PTPRD: variants seen among roughly 807,000 people sequenced by gnomAD.
The protein encoded by PTPRD is receptor-type tyrosine-protein phosphatase delta.
PTPRD carries 34 observed loss-of-function variants against 214.5 expected under a neutral mutation model. The ratio of observed to expected loss-of-function variants is 0.16; its 90% CI spans 0.12 to 0.21. The LOEUF (loss-of-function observed/expected upper bound fraction) is 0.21. Among genes scored for constraint, PTPRD ranks in the 10% least tolerant of loss-of-function variants. The pLI, the probability that PTPRD is intolerant of heterozygous loss-of-function variation, is 1.00. For synonymous variants in PTPRD, 1,128 were observed against 845.7 expected (o/e 1.33, Z -5.79); for missense variants, 2,545 against 2,398.7 (o/e 1.06, Z -1.27).
At chr9:10,579,019 T>C (rs1268622666) in intron 2 of PTPRD, among the ~76,000 whole-genome samples, 1 of 152,118 alleles carries the variant, frequency 6.6e-6, no homozygotes, top group African/African-American at 2.4e-5. Context: ...ACCCATCACC[T>C]AGGTTTTAAG....
rs1174273778 is a variant in PTPRD, at chr9:8,317,246, A to G, written c.*628T>C. 4.3e-6 allele frequency: 1 copy of G among 232,160 alleles called. No homozygotes were observed. Among genetic ancestry groups the G allele is most frequent in the Non-Finnish European group, 8.5e-6 (1 of 117,168 alleles). The allele number at this position is 232,160 out of a possible 1,614,324, so 14.4% of individuals were successfully genotyped here. On this transcript the variant is annotated 3_prime_UTR_variant, in exon 46 of 46. Coordinates refer to ENST00000381196, the MANE Select transcript of PTPRD (RefSeq NM_002839.4). ...GCTTAAAAAAACCTACGATTTGGAA[A>G]TAAAAAAATGAAGAGTTATGTAACT...
chr9:9,366,220 A>G (rs1481714735), intron 9 of PTPRD, among the ~76,000 whole-genome samples: 1 of 151,588 alleles, frequency 6.6e-6, no homozygotes, highest in African/African-American at 2.4e-5. Flanking sequence ...TAGGTTGCAT[A>G]ACCGACTATA....
intron 3 of PTPRD, among the ~76,000 whole-genome samples, chr9:10,298,757 A>C (rs535192128): frequency 6.6e-6 from 1 of 152,170 alleles, no homozygotes; most frequent in East Asian, 1.9e-4. Context: ...TAACAAATAT[A>C]ATAATAATTA....
intron 7 of PTPRD, among the ~76,000 whole-genome samples, chr9:9,627,074 G>A (rs1435377819): frequency 6.6e-6 from 1 of 152,194 alleles, no homozygotes; most frequent in African/African-American, 2.4e-5. Context: ...CACACTTTGG[G>A]AGGCCAAGGC....
chr9:9,455,071 T>C (rs948729902), intron 8 of PTPRD, among the ~76,000 whole-genome samples: 2 of 151,636 alleles, frequency 1.3e-5, no homozygotes, highest in African/African-American at 4.8e-5. Context: ...TAATGGACAA[T>C]GTTGAAATAT....
intron 2 of PTPRD, among the ~76,000 whole-genome samples, chr9:10,395,338 G>A (rs1394922629): frequency 6.6e-6 from 1 of 150,634 alleles, no homozygotes; most frequent in Non-Finnish European, 1.5e-5. Context: ...ACCTATGAGT[G>A]AGAACATGCG....
chr9:10,387,344 T>G (rs749347491), intron 2 of PTPRD, among the ~76,000 whole-genome samples: 1 of 151,936 alleles, frequency 6.6e-6, no homozygotes, highest in Non-Finnish European at 1.5e-5. Context: ...TGATGCCTTA[T>G]AGTTTACTAG....
intron 14 of PTPRD, among the ~76,000 whole-genome samples, chr9:8,573,026 C>T (rs1471288877): frequency 6.6e-6 from 1 of 152,074 alleles, no homozygotes; most frequent in African/African-American, 2.4e-5. Context: ...AACTCCTATG[C>T]TACATATTTT....
chr9:9,614,885 G>C (rs888004646), intron 7 of PTPRD, among the ~76,000 whole-genome samples: 1 of 152,048 alleles, frequency 6.6e-6, no homozygotes, highest in African/African-American at 2.4e-5. Flanking sequence ...CCAATTTATT[G>C]CCTCAGCTCC....
intron 7 of PTPRD, among the ~76,000 whole-genome samples, chr9:9,602,518 T>C (rs2093848603): frequency 6.6e-6 from 1 of 152,110 alleles, no homozygotes. Flanking sequence ...TCTAAAAGAA[T>C]AAGAGTAATT....
chr9:9,926,015 G>C (rs1056997580), intron 5 of PTPRD, among the ~76,000 whole-genome samples: 5 of 151,898 alleles, frequency 3.3e-5, no homozygotes, highest in African/African-American at 7.3e-5. Flanking sequence ...AGTTTTTGTA[G>C]AAATGGGGTC....
At chr9:9,672,281 G>A (rs2096846536) in intron 7 of PTPRD, among the ~76,000 whole-genome samples, 1 of 151,796 alleles carries the variant, frequency 6.6e-6, no homozygotes, top group Non-Finnish European at 1.5e-5. Flanking sequence ...TAATAAATTG[G>A]AAAATATTGA....
intron 3 of PTPRD, among the ~76,000 whole-genome samples, chr9:10,114,987 G>C (rs959412228): frequency 6.6e-6 from 1 of 151,172 alleles, no homozygotes; most frequent in African/African-American, 2.4e-5. Flanking sequence ...TTTTTAAAGG[G>C]AGGGGTTCAT....
chr9:8,413,312 T>A (rs1589784118), intron 35 of PTPRD, among the ~76,000 whole-genome samples: 1 of 152,190 alleles, frequency 6.6e-6, no homozygotes, highest in African/African-American at 2.4e-5. Flanking sequence ...ATTTCTAAAT[T>A]GAAACATAAA....
At chr9:10,056,545 TG>T (rs1779232912) in intron 3 of PTPRD, among the ~76,000 whole-genome samples, 1 of 152,080 alleles carries the variant, frequency 6.6e-6, no homozygotes, top group Non-Finnish European at 1.5e-5. Flanking sequence ...ATCGCCTTAG[TG>T]TTTTTAATAG....
chr9:8,859,266 C>T (rs2098042104), intron 11 of PTPRD, among the ~76,000 whole-genome samples: 1 of 152,228 alleles, frequency 6.6e-6, no homozygotes, highest in Admixed American at 6.5e-5. Context: ...TATAACACCT[C>T]TTCCCTAGAC....
At chr9:8,747,503 A>G (rs978452829) in intron 11 of PTPRD, among the ~76,000 whole-genome samples, 1 of 152,124 alleles carries the variant, frequency 6.6e-6, no homozygotes, top group Non-Finnish European at 1.5e-5. Context: ...AAAGGGAAAT[A>G]AAAAGGAACC....
Position 8,936,610 on chromosome 9 carries a change from GACTATTT to G in PTPRD, c.-104+82080_-104+82086del, listed in dbSNP as rs560476484. ...CTTTGAGGAACTGGAAACTTCAACT[GACTATTT>G]ACAGGGAATAGAAACAATCACTACA... On this transcript the variant is annotated intron_variant, in intron 11 of 45. Transcript: ENST00000381196. Among the ~76,000 whole-genome samples, 420 of 152,198 alleles carry G rather than the reference GACTATTT, an allele frequency of 2.8e-3. 1 individual carries two copies. Among genetic ancestry groups the G allele is most frequent in the Non-Finnish European group, 2.5e-3 (172 of 68,018 alleles).
intron 10 of PTPRD, among the ~76,000 whole-genome samples, chr9:9,169,897 A>G (rs548998006): frequency 2.6e-5 from 4 of 152,284 alleles, no homozygotes; most frequent in African/African-American, 9.6e-5. Flanking sequence ...TACTCAGCCA[A>G]CAGTTTTAGG....
Sources: gnomAD v4.1 joint callset for allele counts (sites outside exome capture counted in the v4.1 genomes callset) on GRCh38, gnomAD v4.1.1 for gene constraint, MANE v1.5 for transcripts, NCBI Gene and HGNC (gene_info 2026-07-23, HGNC 2026-07-21) for gene names.